Variants in LINC00305 observed in about 807,000 individuals in gnomAD.
The protein encoded by LINC00305 is long independently transcribed non-coding RNA 305.
intron 3 of LINC00305, among the ~76,000 whole-genome samples, chr18:64,096,043 A>G (rs1483422415): frequency 2.0e-5 from 3 of 151,910 alleles, no homozygotes; most frequent in Non-Finnish European, 4.4e-5. Flanking sequence ...AAAAAAAAAT[A>G]TTAAAAAATG....
chr18:64,132,984 T>C (rs1303878616), intron 1 of LINC00305, among the ~76,000 whole-genome samples: 1 of 152,172 alleles, frequency 6.6e-6, no homozygotes, highest in Non-Finnish European at 1.5e-5. Flanking sequence ...TAGTGATTCC[T>C]CCACATGGTT....
rs576832682 is a variant in LINC00305, at chr18:64,136,697, T to C, written n.314+12078A>G. On this transcript the variant is annotated intron_variant and non_coding_transcript_variant, in intron 1 of 3. Transcript: ENST00000666468. ...AATAGTCTGTGGAACACAGAGTAGA[T>C]GGTGGGGCTGTCAGAAGAGACAATA... Among the ~76,000 whole-genome samples the C allele has an allele frequency of 2.2e-4, 33 of 152,178 alleles. 1 individual carries two copies. The highest frequency in any genetic ancestry group is 7.5e-4 in the African/African-American group (31 of 41,514).
At chr18:64,117,513 A>G (rs1456584527) in intron 1 of LINC00305, among the ~76,000 whole-genome samples, 1 of 152,168 alleles carries the variant, frequency 6.6e-6, no homozygotes, top group South Asian at 2.1e-4. Context: ...TTACCTGTAA[A>G]ATTGACAGAA....
chr18:64,112,676 A>G (rs887555007), intron 1 of LINC00305, among the ~76,000 whole-genome samples: 4 of 152,134 alleles, frequency 2.6e-5, no homozygotes, highest in African/African-American at 9.7e-5. Flanking sequence ...TGTTTTATAA[A>G]TATTTATTAC....
chr18:64,107,146 G>T (rs922610423), intron 1 of LINC00305, among the ~76,000 whole-genome samples: 1 of 152,208 alleles, frequency 6.6e-6, no homozygotes. Flanking sequence ...TCAGATCCTT[G>T]AATCATCACT....
At chr18:64,117,927 T>C (rs1021934760) in intron 1 of LINC00305, among the ~76,000 whole-genome samples, 9 of 152,200 alleles carry the variant, frequency 5.9e-5, no homozygotes, top group African/African-American at 2.2e-4. Context: ...TCTTTGACCT[T>C]CCGTAAACAA....
chr18:64,140,548 C>T (rs1230365123), intron 1 of LINC00305, among the ~76,000 whole-genome samples: 1 of 152,032 alleles, frequency 6.6e-6, no homozygotes, highest in Non-Finnish European at 1.5e-5. Flanking sequence ...TGGTAGAGAC[C>T]GTCTAAGTAG....
chr18:64,110,036 T>C (rs776714747), intron 1 of LINC00305, among the ~76,000 whole-genome samples: 1 of 149,192 alleles, frequency 6.7e-6, no homozygotes, highest in Non-Finnish European at 1.5e-5. Flanking sequence ...CCAAGACAAT[T>C]CTTCTTCTTC....
intron 1 of LINC00305, among the ~76,000 whole-genome samples, chr18:64,124,240 C>T (rs943598011): frequency 9.2e-5 from 14 of 152,124 alleles, no homozygotes; most frequent in African/African-American, 2.4e-4. Context: ...GCATGGTCAT[C>T]CACGGATCAG....
rs550754700 is a variant in LINC00305 at position 64,126,683 on chromosome 18, G to C, written n.314+22092C>G. ...CATCTTAATGATCAAATTAATGCTTGAGATTGAGTGATTGAGTGGTGATCA... is the reference window on the plus strand; with the variant it reads ...CATCTTAATGATCAAATTAATGCTTCAGATTGAGTGATTGAGTGGTGATCA... On this transcript the variant is annotated intron_variant and non_coding_transcript_variant, in intron 1 of 3. Transcript: ENST00000666468. 7.2e-4 allele frequency among the ~76,000 whole-genome samples: 110 copies of C among 152,188 alleles called. 1 individual carries two copies. The South Asian group carries it at 0.022, about 30-fold the overall frequency.
intron 1 of LINC00305, among the ~76,000 whole-genome samples, chr18:64,146,864 A>G (rs2051500726): frequency 1.3e-5 from 2 of 152,138 alleles, no homozygotes; most frequent in African/African-American, 4.8e-5. Flanking sequence ...TGTTTATTAT[A>G]TTGAACCACT....
intron 1 of LINC00305, among the ~76,000 whole-genome samples, chr18:64,127,914 T>C (rs1357193118): frequency 6.6e-6 from 1 of 152,104 alleles, no homozygotes; most frequent in Non-Finnish European, 1.5e-5. Flanking sequence ...ATGAGGAAGT[T>C]TGGGTTTTTG....
intron 3 of LINC00305, among the ~76,000 whole-genome samples, chr18:64,094,884 T>TAAATAAATAATAA (rs201820726): frequency 2.7e-5 from 4 of 148,508 alleles, no homozygotes; most frequent in Non-Finnish European, 5.9e-5. Context: ...AATAAATAAA[T>TAAATAAATAATAA]AATAAAATAA....
intron 3 of LINC00305, among the ~76,000 whole-genome samples, chr18:64,091,274 T>G (rs1195926885): frequency 6.6e-6 from 1 of 152,214 alleles, no homozygotes; most frequent in Admixed American, 6.5e-5. Context: ...TTTTCTTTCC[T>G]TTGGATCTCT....
chr18:64,134,172 A>G (rs1232263297), intron 1 of LINC00305, among the ~76,000 whole-genome samples: 1 of 152,170 alleles, frequency 6.6e-6, no homozygotes, highest in East Asian at 1.9e-4. Context: ...TATCACTCAA[A>G]ATCACCAAGG....
chr18:64,082,228 A>C (rs2051187813), intron 3 of LINC00305, among the ~76,000 whole-genome samples: 1 of 152,038 alleles, frequency 6.6e-6, no homozygotes, highest in African/African-American at 2.4e-5. Context: ...AGATCCTGCC[A>C]TTCTGAAGCA....
intron 1 of LINC00305, among the ~76,000 whole-genome samples, chr18:64,101,534 T>C (rs12606094): frequency 6.6e-6 from 1 of 152,224 alleles, no homozygotes; most frequent in Admixed American, 6.5e-5. Context: ...CTTCACATTG[T>C]CTTCCCTCTA....
chr18:64,138,033 G>A (rs1269456371), intron 1 of LINC00305, among the ~76,000 whole-genome samples: 1 of 151,882 alleles, frequency 6.6e-6, no homozygotes, highest in African/African-American at 2.4e-5. Context: ...CAATGCTATT[G>A]GGCTTTCCCT....
chr18:64,148,845 G>C (rs2073836363), exon 1 of LINC00305: 1 of 152,322 alleles, frequency 6.6e-6, no homozygotes, highest in African/African-American at 2.4e-5. Flanking sequence ...GCTGGTTTCA[G>C]TGGTCCTGGA....
Sources: allele counts gnomAD v4.1 joint callset (sites outside exome capture counted in the v4.1 genomes callset), GRCh38; gene constraint gnomAD v4.1.1; transcripts MANE v1.5; gene names NCBI Gene and HGNC (gene_info 2026-07-23, HGNC 2026-07-21).